The following ASS1 variants were observed in gnomAD, a reference collection of about 807,000 sequenced individuals.
The protein encoded by ASS1 is argininosuccinate synthase 1, also known as argininosuccinate synthase.
A neutral mutation model predicts 60.5 loss-of-function variants in ASS1; 58 were observed. The observed-to-expected ratio is 0.96, with a 90% CI of 0.78 to 1.19. The LOEUF (loss-of-function observed/expected upper bound fraction) is 1.19. Ranked by LOEUF, ASS1 falls within the 50% of genes most tolerant of loss-of-function variation. The probability of loss-of-function intolerance (pLI) is 0.00; values close to 1 mark genes in which losing one functional copy is unlikely to be tolerated. For missense variants in ASS1, 454 were observed against 547.3 expected (o/e 0.83, Z 1.70); for synonymous variants, 200 against 206.9 (o/e 0.97, Z 0.29).
Position 130,494,947 on chromosome 9 carries a change from G to T in ASS1, c.1051G>T (p.Val351Leu). ...SQERVEGKVQVSVLKGQVYIL... is the reference protein window; with the variant it reads ...SQERVEGKVQLSVLKGQVYIL... ...GGAGCGAGTGGAAGGGAAAGTGCAGGTGTCCGTCCTCAAGGGCCAGGTGTA... is the reference window on the plus strand; with the variant it reads ...GGAGCGAGTGGAAGGGAAAGTGCAGTTGTCCGTCCTCAAGGGCCAGGTGTA... Residue 351 changes from valine (V) to leucine (L), a missense_variant, in exon 13 of 15, where the codon GTG becomes TTG. By Grantham distance (32) the Val-to-Leu change is conservative. Coordinates refer to ENST00000352480, the MANE Select transcript of ASS1 (RefSeq NM_054012.4). The surrounding 1 kb of genome is among the most constrained non-coding windows in gnomAD (Gnocchi z 4.3). 1.9e-6 allele frequency: 3 copies of T among 1,613,630 alleles called. No homozygotes were observed. The highest frequency in any genetic ancestry group is 2.5e-6 in the Non-Finnish European group (3 of 1,179,986).
rs1282808173 is a variant in ASS1 at position 130,459,880 on chromosome 9, G to T, written c.363+1291G>T. ...GCCGTGTGTCCCAGTGCAGACTGCGGGGTCCCCGTGGGGTGCAAGACAGGA... is the reference window on the plus strand; with the variant it reads ...GCCGTGTGTCCCAGTGCAGACTGCGTGGTCCCCGTGGGGTGCAAGACAGGA... On this transcript the variant is annotated intron_variant, in intron 4 of 14. Transcript: ENST00000352480. This position sits in a 1 kb window ranked among gnomAD's most constrained non-coding sequence, Gnocchi z 4.6. Among the ~76,000 whole-genome samples, 1 of 152,258 alleles carries T rather than the reference G, an allele frequency of 6.6e-6. No individual in the cohort carries two copies. Among genetic ancestry groups the T allele is most frequent in the Admixed American group, 6.5e-5 (1 of 15,288 alleles).
chr9:130,481,175 A>G (rs1265936746), intron 11 of ASS1, among the ~76,000 whole-genome samples: 1 of 152,112 alleles, frequency 6.6e-6, no homozygotes, highest in Non-Finnish European at 1.5e-5. Flanking sequence ...TTTCATCTTG[A>G]CCACAACCCT....
At chr9:130,464,442 C>T (rs1040552012) in intron 5 of ASS1, among the ~76,000 whole-genome samples, 2 of 152,198 alleles carry the variant, frequency 1.3e-5, no homozygotes, top group Non-Finnish European at 2.9e-5. Flanking sequence ...CAGCCACATC[C>T]CTGGCATCCC....
At chr9:130,482,351 G>A (rs1846195130) in intron 11 of ASS1, among the ~76,000 whole-genome samples, 1 of 151,442 alleles carries the variant, frequency 6.6e-6, no homozygotes, top group Non-Finnish European at 1.5e-5. Context: ...TTCCAGTATT[G>A]CACCTGTCTT....
At chr9:130,472,172 A>G (rs960941429) in intron 8 of ASS1, among the ~76,000 whole-genome samples, 33 of 152,154 alleles carry the variant, frequency 2.2e-4, no homozygotes, top group Admixed American at 4.6e-4. Flanking sequence ...AATGTGTCTT[A>G]GTTCCCGGGC....
chr9:130,470,102 G>A lies in ASS1; in HGVS notation c.496-732G>A, dbSNP rs1192972093. Among the ~76,000 whole-genome samples, 1 of 152,128 alleles carries A rather than the reference G, an allele frequency of 6.6e-6. No individual in the cohort carries two copies. The highest frequency in any genetic ancestry group is 1.5e-5 in the Non-Finnish European group (1 of 68,020). On this transcript the variant is annotated intron_variant, in intron 6 of 14. Coordinates refer to ENST00000352480, the MANE Select transcript of ASS1 (RefSeq NM_054012.4). The surrounding 1 kb of genome is among the most constrained non-coding windows in gnomAD (Gnocchi z 4.3). ...CAAGGGTGGTGCGGGTCCCCAGGGC[G>A]ACAAGCCTCATCTTCTTCCTCCTCT...
chr9:130,462,230 C>T (rs1845615327), intron 4 of ASS1, among the ~76,000 whole-genome samples: 2 of 152,314 alleles, frequency 1.3e-5, no homozygotes, highest in South Asian at 4.1e-4. Context: ...TAAATGGCAC[C>T]ATCTGTATGG....
chr9:130,461,004 C>T (rs1341607786), intron 4 of ASS1, among the ~76,000 whole-genome samples: 1 of 148,936 alleles, frequency 6.7e-6, no homozygotes, highest in Non-Finnish European at 1.5e-5. Context: ...GGCGACACAG[C>T]GAGACTCTGT....
intron 1 of ASS1, chr9:130,450,217 G>A (rs1423686938): frequency 1.0e-5 from 10 of 964,928 alleles, no homozygotes; most frequent in Non-Finnish European, 1.2e-5. Flanking sequence ...AAGGTTTAGG[G>A]CCTCTGGGAT....
chr9:130,466,632 G>A lies in ASS1; in HGVS notation c.421-93G>A, dbSNP rs1424043147. On this transcript the variant is annotated intron_variant, in intron 5 of 14. Coordinates refer to ENST00000352480, the MANE Select transcript of ASS1 (RefSeq NM_054012.4). ...GGGGACATGCTGGAGACCCCCATGG[G>A]CCCCTCCCAGGAGAGGCCAGCTCTG... is the stretch of plus-strand genomic sequence containing the variant. 8.8e-6 allele frequency: 11 copies of A among 1,245,302 alleles called. No homozygotes were observed. In the East Asian group the frequency reaches 2.6e-4, roughly 29 times the overall value. The allele number at this position is 1,245,302 out of a possible 1,614,324, so 77.1% of individuals were successfully genotyped here. A position where few individuals can be genotyped will look rare whatever the true frequency, so the allele number is the denominator to read the frequency against.
rs533363159 is a variant in ASS1 at position 130,488,859 on chromosome 9, C to T, written c.839-474C>T. Among the ~76,000 whole-genome samples, 3 of 152,314 alleles carry T rather than the reference C, an allele frequency of 2.0e-5. No individual in the cohort carries two copies. The highest frequency in any genetic ancestry group is 1.9e-4 in the East Asian group (1 of 5,176). On this transcript the variant is annotated intron_variant, in intron 11 of 14. Coordinates refer to ENST00000352480, the MANE Select transcript of ASS1 (RefSeq NM_054012.4). The surrounding 1 kb of genome is among the most constrained non-coding windows in gnomAD (Gnocchi z 5.2). ...CCAGTGGCCTCTGGAGAGACCTGGC[C>T]GCAGGGGCCCCATGGGCTGAAGGTG... is the stretch of plus-strand genomic sequence containing the variant.
intron 1 of ASS1, among the ~76,000 whole-genome samples, chr9:130,448,907 C>A (rs528899498): frequency 6.6e-6 from 1 of 152,202 alleles, no homozygotes; most frequent in Non-Finnish European, 1.5e-5. Context: ...GCACCCCAGC[C>A]CTCTTTTTGC....
At position 130,501,065 on chromosome 9, in the gene ASS1, C is replaced by T. The variant is rs866764088; in HGVS notation, c.*44C>T. 5.1e-6 allele frequency: 8 copies of T among 1,561,084 alleles called. No homozygotes were observed. The highest frequency in any genetic ancestry group is 7.0e-6 in the Non-Finnish European group (8 of 1,137,736). On this transcript the variant is annotated 3_prime_UTR_variant, in exon 15 of 15. Coordinates refer to ENST00000352480, the MANE Select transcript of ASS1 (RefSeq NM_054012.4). ...GCTGGGGCCTCCTCAATTTGCAGAT[C>T]CCCCAAGTACAGGCGCTAATTGTTG...
At chr9:130,481,383 G>A (rs1029198364) in intron 11 of ASS1, among the ~76,000 whole-genome samples, 6 of 152,212 alleles carry the variant, frequency 3.9e-5, no homozygotes, top group Admixed American at 2.0e-4. Flanking sequence ...TTCCTGTTTC[G>A]GTAAATGTTC....
At chr9:130,479,189 G>A (rs1035196996) in intron 9 of ASS1, among the ~76,000 whole-genome samples, 6 of 152,114 alleles carry the variant, frequency 3.9e-5, no homozygotes, top group African/African-American at 1.4e-4. Context: ...GCTGGAGCGG[G>A]CACCGTGTCA....
Position 130,475,515 on chromosome 9 carries a change from A to G in ASS1, c.598-1356A>G, listed in dbSNP as rs916008012. Among the ~76,000 whole-genome samples the G allele has an allele frequency of 2.6e-5, 4 of 152,130 alleles. No homozygotes were observed. The East Asian group carries it at 7.7e-4, about 29-fold the overall frequency. ...GTAATGCCCATCACTCTAAAATACA[A>G]TGTGTATTTGGCGAGGACCTCGCGG... On this transcript the variant is annotated intron_variant, in intron 8 of 14. Transcript: ENST00000352480.
At chr9:130,498,128 C>T (rs1453493928) in intron 13 of ASS1, among the ~76,000 whole-genome samples, 1 of 152,184 alleles carries the variant, frequency 6.6e-6, no homozygotes, top group Non-Finnish European at 1.5e-5. Context: ...CTGAACAAAT[C>T]ACTGGGGCCA....
rs1588502658 is a variant in ASS1 at position 130,488,221 on chromosome 9, G to A, written c.839-1112G>A. On this transcript the variant is annotated intron_variant, in intron 11 of 14. Coordinates refer to ENST00000352480, the MANE Select transcript of ASS1 (RefSeq NM_054012.4). The surrounding 1 kb of genome is among the most constrained non-coding windows in gnomAD (Gnocchi z 5.2). The stretch of plus-strand genomic sequence containing the variant: ...CAAATCCTTTCTGGGTTTTTTTCAA[G>A]CAGCCACTGTAGAAAGATGTTAGTA... Among the ~76,000 whole-genome samples, 1 of 152,154 alleles carries A rather than the reference G, an allele frequency of 6.6e-6. No individual in the cohort carries two copies. Among genetic ancestry groups the A allele is most frequent in the Admixed American group, 6.5e-5 (1 of 15,286 alleles).
At chr9:130,453,778 C>T (rs1206525293) in intron 2 of ASS1, among the ~76,000 whole-genome samples, 1 of 152,186 alleles carries the variant, frequency 6.6e-6, no homozygotes, top group Non-Finnish European at 1.5e-5. Flanking sequence ...CAGGGGCTGT[C>T]AGACCCCGAG....
Sources: gnomAD v4.1 joint callset for allele counts (sites outside exome capture counted in the v4.1 genomes callset) on GRCh38, gnomAD v4.1.1 for gene constraint, Gnocchi (gnomAD v3.1) non-coding constraint, MANE v1.5 for transcripts, NCBI Gene and HGNC (gene_info 2026-07-23, HGNC 2026-07-21) for gene names.